LTBP2: variants seen among roughly 807,000 people sequenced by gnomAD.
LTBP2 encodes the protein latent transforming growth factor beta binding protein 2, also known as latent-transforming growth factor beta-binding protein 2.
A neutral mutation model predicts 210.6 loss-of-function variants in LTBP2; 103 were observed. The ratio of observed to expected loss-of-function variants is 0.49; its 90% CI spans 0.42 to 0.58. The LOEUF (loss-of-function observed/expected upper bound fraction) is 0.58, where lower values mean the gene tolerates loss of function less well. Among genes scored for constraint, LTBP2 ranks in the 20% least tolerant of loss-of-function variants. The pLI is 0.00. For synonymous variants in LTBP2, 1,007 were observed against 1,015.0 expected (o/e 0.99, Z 0.15); for missense variants, 2,313 against 2,494.5 (o/e 0.93, Z 1.55).
At chr14:74,560,454 A>G (rs2087779966) in intron 3 of LTBP2, among the ~76,000 whole-genome samples, 2 of 152,236 alleles carry the variant, frequency 1.3e-5, no homozygotes, top group South Asian at 2.1e-4. Context: ...CTTCAGGCCC[A>G]CAAGAAAGCT....
chr14:74,522,035 G>A lies in LTBP2; in HGVS notation c.2664C>T (p.Asp888=), dbSNP rs747081484. 2 of 1,612,592 alleles carry A rather than the reference G, an allele frequency of 1.2e-6. No individual in the cohort carries two copies. The highest frequency in any genetic ancestry group is 3.3e-5 in the Admixed American group (2 of 59,720). Residue 888 remains aspartate, a synonymous_variant, in exon 17 of 36, where the codon GAC becomes GAT. Coordinates refer to ENST00000261978, the MANE Select transcript of LTBP2 (RefSeq NM_000428.3). ...TGCAGGGGTCCCTCAGACACTCGTTGTCATCTGACCAGAAGAAGGCAGGGA... is the reference window on the plus strand; with the variant it reads ...TGCAGGGGTCCCTCAGACACTCGTTATCATCTGACCAGAAGAAGGCAGGGA... ...LHPSQAYCTD[D]NECLRDPCKG...
chr14:74,532,548 T>C lies in LTBP2; in HGVS notation c.1865A>G (p.Asp622Gly). 1 of 1,614,024 alleles carries C rather than the reference T, an allele frequency of 6.2e-7. No individual in the cohort carries two copies. The highest frequency in any genetic ancestry group is 8.5e-7 in the Non-Finnish European group (1 of 1,179,970). ...GCCCAGGGTCAAGCACTCGTTGATA[T>C]CTGCAGGGTTGGAGGAGATGACCAA... ...YKRLNLTHCQ[D>G]INECLTLGLC... The change falls in exon 10 of 36, where the codon GAT (aspartate) becomes GGT (glycine). Residue 622 changes from aspartate (D) to glycine (G), a missense_variant and splice_region_variant. This residue lies in a region of LTBP2 where 1,867 missense variants were observed against 1,976.9 expected (regional missense o/e 0.94). Transcript: ENST00000261978.
chr14:74,597,070 C>T (rs2088376453), intron 2 of LTBP2, among the ~76,000 whole-genome samples: 1 of 152,146 alleles, frequency 6.6e-6, no homozygotes, highest in African/African-American at 2.4e-5. Flanking sequence ...AAATAGAAGA[C>T]CCCAGACTAA....
At chr14:74,539,536 G>A (rs747629491) in intron 8 of LTBP2, among the ~76,000 whole-genome samples, 18 of 152,064 alleles carry the variant, frequency 1.2e-4, no homozygotes, top group African/African-American at 2.4e-4. Flanking sequence ...GCAAAACCCC[G>A]TCTCTACAAA....
chr14:74,504,937 C>A (rs539608460), intron 29 of LTBP2, 46 bp downstream of exon 29: 2 of 1,614,024 alleles, frequency 1.2e-6, no homozygotes, highest in East Asian at 2.2e-5. Flanking sequence ...TCAGTGTCAC[C>A]TTGCAGAGCT....
chr14:74,530,474 G>C (rs776356316), intron 10 of LTBP2, among the ~76,000 whole-genome samples: 1 of 152,198 alleles, frequency 6.6e-6, no homozygotes, highest in Non-Finnish European at 1.5e-5. Flanking sequence ...AGGTCAGCCA[G>C]CCTGAGGCCA....
At chr14:74,582,102 C>T (rs2088144543) in intron 3 of LTBP2, among the ~76,000 whole-genome samples, 1 of 151,538 alleles carries the variant, frequency 6.6e-6, no homozygotes, top group Admixed American at 6.6e-5. Context: ...TCACTGCAAC[C>T]TCCACCTCCT....
chr14:74,596,815 A>G (rs1480844398), intron 2 of LTBP2, among the ~76,000 whole-genome samples: 1 of 152,210 alleles, frequency 6.6e-6, no homozygotes, highest in East Asian at 1.9e-4. Context: ...TAACAGAGTG[A>G]GTAAGACCTG....
Position 74,509,856 on chromosome 14 carries a change from A to G in LTBP2, c.3155T>C (p.Val1052Ala). 1 of 1,614,020 alleles carries G rather than the reference A, an allele frequency of 6.2e-7. No individual in the cohort carries two copies. Among genetic ancestry groups the G allele is most frequent in the Non-Finnish European group, 8.5e-7 (1 of 1,180,018 alleles). Reference sequence around the variant, plus strand: ...TGAGGCCCGGCTGGCACACTCATCCACATCTGAAATAGGGCATTGCATTCT... The same window carrying G: ...TGAGGCCCGGCTGGCACACTCATCCGCATCTGAAATAGGGCATTGCATTCT... ...VTSDEKGCQD[V>A]DECASRASCP... The change falls in exon 21 of 36, where the codon GTG becomes GCG. Residue 1052 changes from valine (V) to alanine (A), a missense_variant. By Grantham distance (64) the Val-to-Ala change is moderately conservative. Transcript: ENST00000261978.
chr14:74,597,439 A>T (rs1454682666), intron 2 of LTBP2, among the ~76,000 whole-genome samples: 1 of 152,152 alleles, frequency 6.6e-6, no homozygotes, highest in East Asian at 1.9e-4. Flanking sequence ...CTGGGGATGG[A>T]GGGAGGAAAC....
chr14:74,603,657 G>GT lies in LTBP2; in HGVS notation c.542dup (p.Asn181LysfsTer45). The GT allele has an allele frequency of 1.2e-6, 2 of 1,614,222 alleles. No homozygotes were observed. Among genetic ancestry groups the GT allele is most frequent in the Non-Finnish European group, 1.7e-6 (2 of 1,180,044 alleles). On this transcript the variant is annotated frameshift_variant, in exon 2 of 36. Coordinates refer to ENST00000261978, the MANE Select transcript of LTBP2 (RefSeq NM_000428.3). LOFTEE classifies it high-confidence loss of function. ...CACGTTTGATACAGTGGTTGGTGCTGTTTGCTGTTGTCCATCCTGGGCAGC... is the reference window on the plus strand; with the variant it reads ...CACGTTTGATACAGTGGTTGGTGCTGTTTTGCTGTTGTCCATCCTGGGCAGC...
rs1228106816 is a variant in LTBP2 at position 74,542,146 on chromosome 14, T to C, written c.1790-6146A>G. 2.0e-5 allele frequency among the ~76,000 whole-genome samples: 3 copies of C among 152,152 alleles called. No individual in the cohort carries two copies. The East Asian group carries it at 5.8e-4, about 29-fold the overall frequency. ...AAGGAGTTCACATCACAAATGCCCA[T>C]GAAGCATGCAGGACAGATGTGGGGA... is the stretch of plus-strand genomic sequence containing the variant. On this transcript the variant is annotated intron_variant, in intron 8 of 35. Coordinates refer to ENST00000261978, the MANE Select transcript of LTBP2 (RefSeq NM_000428.3).
chr14:74,595,392 A>G (rs2088345966), intron 2 of LTBP2, among the ~76,000 whole-genome samples: 1 of 152,226 alleles, frequency 6.6e-6, no homozygotes, highest in Admixed American at 6.5e-5. Context: ...GCTCCTCTCC[A>G]GCTGCTGCCC....
Position 74,507,280 on chromosome 14 carries a change from G to T in LTBP2, c.3806C>A (p.Pro1269Gln). 1 of 1,614,116 alleles carries T rather than the reference G, an allele frequency of 6.2e-7. No homozygotes were observed. Among genetic ancestry groups the T allele is most frequent in the South Asian group, 1.1e-5 (1 of 91,078 alleles). The change falls in exon 26 of 36, where the codon CCG becomes CAG. Residue 1269 changes from proline to glutamine, a missense_variant. This residue lies in a region of LTBP2 where 1,867 missense variants were observed against 1,976.9 expected (regional missense o/e 0.94). Transcript: ENST00000261978. ...TTCACACTTCCAGGTGCCACACACC[G>T]GGTCTCCATAGTCCTCACACTCGTC... is the stretch of plus-strand genomic sequence containing the variant. ...DIDECEDYGDPVCGTWKCENS... is the reference protein window; with the variant it reads ...DIDECEDYGDQVCGTWKCENS...
intron 8 of LTBP2, among the ~76,000 whole-genome samples, chr14:74,546,827 G>C (rs544687686): frequency 1.3e-5 from 2 of 152,354 alleles, no homozygotes; most frequent in Admixed American, 1.3e-4. Context: ...CTCAAGGCTG[G>C]CACACAGGTG....
chr14:74,521,930 C>T lies in LTBP2; in HGVS notation c.2769G>A (p.Gly923=). 1.9e-6 allele frequency: 3 copies of T among 1,614,190 alleles called. No individual in the cohort carries two copies. Among genetic ancestry groups the T allele is most frequent in the Non-Finnish European group, 2.5e-6 (3 of 1,180,034 alleles). Residue 923 remains glycine, a synonymous_variant, in exon 17 of 36, where the codon GGG becomes GGA. Transcript: ENST00000261978. Reference sequence around the variant, plus strand: ...GCTTACCTTGACACTCCTGTGTCGCCCCTGAGGTGGCCAGAGTGTAGCCAG... The same window carrying T: ...GCTTACCTTGACACTCCTGTGTCGCTCCTGAGGTGGCCAGAGTGTAGCCAG... The part of the protein sequence containing the change: ...CYPGYTLATS[G]ATQECQDINE...
At position 74,555,571 on chromosome 14, in the gene LTBP2, C is replaced by A; in HGVS notation, c.953G>T (p.Gly318Val). 1 of 1,612,482 alleles carries A rather than the reference C, an allele frequency of 6.2e-7. No homozygotes were observed. The highest frequency in any genetic ancestry group is 1.1e-5 in the South Asian group (1 of 90,770). ...GCCATCTCTCTGCTCAAGGCCTGGT[C>A]CCGGGGGCAGGGCGTTGGAAGAGAG... ...SQLSSNALPP[G>V]PGLEQRDGTQ... is the part of the protein sequence containing the mutation. The change falls in exon 4 of 36, where the codon GGA becomes GTA. Residue 318 changes from glycine to valine, a missense_variant. Coordinates refer to ENST00000261978, the MANE Select transcript of LTBP2 (RefSeq NM_000428.3).
At chr14:74,583,693 C>T (rs2088166388) in intron 3 of LTBP2, among the ~76,000 whole-genome samples, 1 of 152,260 alleles carries the variant, frequency 6.6e-6, no homozygotes, top group African/African-American at 2.4e-5. Flanking sequence ...GCAGCCTCCC[C>T]TCTCCCCATC....
At chr14:74,527,863 C>G (rs916151688) in intron 12 of LTBP2, among the ~76,000 whole-genome samples, 1 of 152,208 alleles carries the variant, frequency 6.6e-6, no homozygotes, top group African/African-American at 2.4e-5. Context: ...GGGGCTCTGT[C>G]CTCACTCCCC....
Sources: allele counts gnomAD v4.1 joint callset (sites outside exome capture counted in the v4.1 genomes callset), GRCh38; gene constraint gnomAD v4.1.1; regional missense constraint gnomAD v4.1.1; transcripts MANE v1.5; gene names NCBI Gene and HGNC (gene_info 2026-07-23, HGNC 2026-07-21).